The following CELF2 variants were observed in gnomAD, a reference collection of about 807,000 sequenced individuals.
CELF2 encodes the protein CUG triplet repeat RNA-binding protein 2.
Under a neutral mutation model 62.6 loss-of-function variants are expected in CELF2, and 8 were observed. That is an observed-to-expected ratio of 0.13 (90% CI 0.07 to 0.23). The LOEUF is 0.23. Among genes scored for constraint, CELF2 ranks in the 10% least tolerant of loss-of-function variants. The pLI, the probability that CELF2 is intolerant of heterozygous loss-of-function variation, is 1.00. For synonymous variants in CELF2, 258 were observed against 250.0 expected (o/e 1.03, Z -0.30); for missense variants, 333 against 671.0 (o/e 0.50, Z 5.56).
intron 1 of CELF2, chr10:11,097,445 G>A (rs2050206969): frequency 6.6e-6 from 1 of 152,192 alleles, no homozygotes. Context: ...AGATATGCAT[G>A]AGAGATGGAA....
At chr10:11,304,518 C>T (rs1356540127) in intron 9 of CELF2, among the ~76,000 whole-genome samples, 2 of 152,196 alleles carry the variant, frequency 1.3e-5, no homozygotes, top group African/African-American at 4.8e-5. Flanking sequence ...GGCCTTCTTG[C>T]TGGTGGGGAC....
At chr10:10,736,384 CTTT>C in the CELF2 span, among the ~76,000 whole-genome samples, 1 of 80,536 alleles carries the variant, frequency 1.2e-5, no homozygotes, top group East Asian at 2.3e-4. Flanking sequence ...TTCTTTCTTT[CTTT>C]CTTTCTTTCT....
chr10:10,705,917 A>G, the CELF2 span, among the ~76,000 whole-genome samples: 1 of 152,190 alleles, frequency 6.6e-6, no homozygotes, highest in Non-Finnish European at 1.5e-5. Flanking sequence ...GATAAATCAG[A>G]TGGTCACCTA....
At chr10:10,466,116 T>C in the CELF2 span, among the ~76,000 whole-genome samples, 11 of 152,154 alleles carry the variant, frequency 7.2e-5, no homozygotes, top group Non-Finnish European at 1.5e-4. Flanking sequence ...TTGAGCAATC[T>C]GATGAGCTTT....
intron 1 of CELF2, among the ~76,000 whole-genome samples, chr10:11,070,621 T>A (rs1232015298): frequency 6.6e-6 from 1 of 152,000 alleles, no homozygotes. Context: ...AAAGATGAAA[T>A]CATCTGGGGG....
At chr10:10,708,737 G>A in the CELF2 span, among the ~76,000 whole-genome samples, 3 of 152,176 alleles carry the variant, frequency 2.0e-5, no homozygotes, top group South Asian at 6.2e-4. Context: ...ATTGAGTGAA[G>A]GACAAAGTCT....
At chr10:10,978,049 T>C (rs2051578807) in intron 2 of CELF2, among the ~76,000 whole-genome samples, 1 of 151,454 alleles carries the variant, frequency 6.6e-6, no homozygotes, top group Admixed American at 6.6e-5. Flanking sequence ...TTGTTTTTTT[T>C]TTTCCAGAGA....
chr10:11,203,575 C>T (rs893014897), intron 2 of CELF2, among the ~76,000 whole-genome samples: 47 of 152,184 alleles, frequency 3.1e-4, no homozygotes, highest in African/African-American at 1.1e-3. Flanking sequence ...ACCAGAGGGG[C>T]GACTCTGTCA....
At chr10:10,838,213 A>C (rs2058437750) in intron 1 of CELF2, among the ~76,000 whole-genome samples, 1 of 152,160 alleles carries the variant, frequency 6.6e-6, no homozygotes, top group Non-Finnish European at 1.5e-5. Context: ...TGTTTTTCTC[A>C]TGACTACACT....
At chr10:11,114,078 T>C (rs2055942316) in intron 1 of CELF2, among the ~76,000 whole-genome samples, 1 of 152,216 alleles carries the variant, frequency 6.6e-6, no homozygotes. Flanking sequence ...TTCTGTGCTT[T>C]GATTATTATG....
intron 1 of CELF2, among the ~76,000 whole-genome samples, chr10:10,804,653 C>G (rs1223052054): frequency 6.6e-6 from 1 of 152,182 alleles, no homozygotes; most frequent in Non-Finnish European, 1.5e-5. Flanking sequence ...AAAGCTGTAA[C>G]GAACTACACT....
chr10:11,148,598 C>T (rs1301552015), intron 1 of CELF2, among the ~76,000 whole-genome samples: 1 of 152,146 alleles, frequency 6.6e-6, no homozygotes, highest in Non-Finnish European at 1.5e-5. Context: ...AGCATTGTGT[C>T]CTTTCTCATT....
chr10:11,197,519 C>T (rs1217132217), intron 2 of CELF2, among the ~76,000 whole-genome samples: 3 of 152,206 alleles, frequency 2.0e-5, no homozygotes, highest in South Asian at 2.1e-4. Context: ...TTGAGTGTCC[C>T]GATTGCCTCA....
At chr10:10,487,367 T>A in the CELF2 span, among the ~76,000 whole-genome samples, 1 of 151,008 alleles carries the variant, frequency 6.6e-6, no homozygotes, top group Non-Finnish European at 1.5e-5. Context: ...TTAAGTTACA[T>A]CTCAGCCATT....
intron 2 of CELF2, among the ~76,000 whole-genome samples, chr10:11,202,949 CTCTGTG>C (rs781010897): frequency 0.063 from 2,756 of 43,604 alleles, 25 homozygotes; most frequent in Middle Eastern, 0.1. Context: ...CTCTCTCTCT[CTCTGTG>C]TGTGTGTGTG....
At chr10:10,832,426 G>T (rs1321972475) in intron 1 of CELF2, among the ~76,000 whole-genome samples, 1 of 152,142 alleles carries the variant, frequency 6.6e-6, no homozygotes, top group African/African-American at 2.4e-5. Context: ...CCCAGATATA[G>T]AGACAAGTAG....
chr10:10,665,992 G>C, the CELF2 span, among the ~76,000 whole-genome samples: 1 of 152,264 alleles, frequency 6.6e-6, no homozygotes, highest in East Asian at 1.9e-4. Context: ...GAAGAGTCAG[G>C]GACTTTCTCA....
intron 9 of CELF2, among the ~76,000 whole-genome samples, chr10:11,291,794 G>T (rs1026769433): frequency 6.6e-6 from 1 of 152,152 alleles, no homozygotes; most frequent in Non-Finnish European, 1.5e-5. Context: ...GTGTAGCTAG[G>T]TATTAAAGAA....
intron 1 of CELF2, among the ~76,000 whole-genome samples, chr10:10,836,505 G>C (rs2058297723): frequency 6.6e-6 from 1 of 152,326 alleles, no homozygotes; most frequent in Admixed American, 6.5e-5. Context: ...AGCCTTTCTA[G>C]ATTGGACTGA....
Sources: gnomAD v4.1 joint callset for allele counts (sites outside exome capture counted in the v4.1 genomes callset) on GRCh38, gnomAD v4.1.1 for gene constraint, MANE v1.5 for transcripts, NCBI Gene and HGNC (gene_info 2026-07-23, HGNC 2026-07-21) for gene names.